The following DNAH17 variants were observed in gnomAD, a reference collection of about 807,000 sequenced individuals.
DNAH17 encodes dynein axonemal heavy chain 17, also known as axonemal beta dynein heavy chain 17.
DNAH17 carries 376 observed loss-of-function variants against 485.6 expected under a neutral mutation model. That is an observed-to-expected ratio of 0.77 (90% CI 0.71 to 0.84). The LOEUF (loss-of-function observed/expected upper bound fraction) is 0.84. Ranked by LOEUF, DNAH17 falls within the 40% of genes least tolerant of loss-of-function variation. The pLI is 0.00. For missense variants in DNAH17, 6,370 were observed against 5,839.3 expected (o/e 1.09, Z -2.96); for synonymous variants, 3,031 against 2,405.9 (o/e 1.26, Z -7.60).
intron 64 of DNAH17, 121 bp downstream of exon 64, chr17:78,454,349 A>G (rs2087693881): frequency 5.5e-6 from 4 of 731,670 alleles, no homozygotes; most frequent in Non-Finnish European, 8.9e-6. Context: ...GGCCAGATTT[A>G]AAACCTGTGG....
chr17:78,537,163 G>C, intron 19 of DNAH17, 136 bp downstream of exon 19: 1 of 1,026,842 alleles, frequency 9.7e-7, no homozygotes, highest in Non-Finnish European at 1.4e-6. Context: ...GGGCGACAGA[G>C]TGAGATTCCG....
In DNAH17 at chr17:78,538,414, C is replaced by G. The variant is rs117177660; in HGVS notation, c.2677-933G>C. 3.2e-3 allele frequency among the ~76,000 whole-genome samples: 492 copies of G among 152,288 alleles called. 1 individual carries two copies. Among genetic ancestry groups the G allele is most frequent in the Non-Finnish European group, 5.4e-3 (368 of 68,024 alleles). On this transcript the variant is annotated intron_variant, in intron 18 of 80. Transcript: ENST00000389840. ...CGATTCTCAAAATGTGGGCCAGGATCCACCAGGCTGTGAGATCACACTGTG... is the reference window on the plus strand; with the variant it reads ...CGATTCTCAAAATGTGGGCCAGGATGCACCAGGCTGTGAGATCACACTGTG...
chr17:78,435,282 T>A (rs894611826), intron 74 of DNAH17, among the ~76,000 whole-genome samples: 11 of 151,908 alleles, frequency 7.2e-5, no homozygotes, highest in African/African-American at 2.7e-4. Context: ...TCCTCCAGAG[T>A]CCATCCGATC....
rs546955641 is a variant in DNAH17, at chr17:78,566,575, C to T, written c.1569+39G>A. The T allele has an allele frequency of 1.6e-4, 221 of 1,420,286 alleles. 1 individual carries two copies. The highest frequency in any genetic ancestry group is 2.0e-6 in the Non-Finnish European group (2 of 1,021,496). The allele number at this position is 1,420,286 out of a possible 1,614,324, so 88.0% of individuals were successfully genotyped here. On this transcript the variant is annotated intron_variant, in intron 11 of 80. Transcript: ENST00000389840. ...CGACATGAATCCACCACCACAGTGC[C>T]AGGCTCCAGATCTGCCTGCGTCTCC...
Position 78,496,002 on chromosome 17 carries a change from T to C in DNAH17, c.5776A>G (p.Lys1926Glu). ...VKCVQDAIRA[K>E]KKAFNFLGEI... ...CCCAGGAAATTGAATGCTTTTTTCT[T>C]GGCCCGAATTGCATCCTGGACACAT... The change falls in exon 38 of 81, where the codon AAG becomes GAG. Residue 1926 changes from lysine to glutamate, a missense_variant. Transcript: ENST00000389840. 2 of 1,613,926 alleles carry C rather than the reference T, an allele frequency of 1.2e-6. No homozygotes were observed. Among genetic ancestry groups the C allele is most frequent in the South Asian group, 2.2e-5 (2 of 91,080 alleles).
At chr17:78,512,933 T>C (rs2090672692) in intron 26 of DNAH17, among the ~76,000 whole-genome samples, 1 of 104,148 alleles carries the variant, frequency 9.6e-6, no homozygotes, top group East Asian at 3.0e-4. Context: ...AGAGAGAGAC[T>C]CTAACTCAAA....
intron 62 of DNAH17, 105 bp from the exon 63 acceptor site, chr17:78,455,941 T>C: frequency 1.0e-6 from 1 of 971,020 alleles, no homozygotes; most frequent in South Asian, 2.3e-5. Flanking sequence ...GTTTCCCGTC[T>C]GCACCTGGCT....
chr17:78,570,299 G>A lies in DNAH17; in HGVS notation c.992C>T (p.Pro331Leu). Residue 331 changes from proline to leucine, a missense_variant, in exon 7 of 81, where the codon CCT (proline) becomes CTT (leucine). Pro to Leu is a moderately conservative substitution (Grantham distance 98). Transcript: ENST00000389840. ...IWATSEYYNT[P>L]ARIIVILQEF... ...CTGCAGGATGACGATGATCCTGGCA[G>A]GTGTGTTATAGTACTCAGAGGTGGC... The A allele has an allele frequency of 1.9e-6, 3 of 1,602,386 alleles. No individual in the cohort carries two copies. The highest frequency in any genetic ancestry group is 1.7e-6 in the Non-Finnish European group (2 of 1,174,838).
chr17:78,458,702 C>T (rs780667351), intron 61 of DNAH17, 22 bp from the exon 62 acceptor site: 1 of 1,604,032 alleles, frequency 6.2e-7, no homozygotes, highest in Non-Finnish European at 8.5e-7. Flanking sequence ...AGTTGGAAAG[C>T]TGCTGGAAAA....
intron 65 of DNAH17, among the ~76,000 whole-genome samples, chr17:78,452,107 C>G (rs976938951): frequency 6.6e-6 from 1 of 151,888 alleles, no homozygotes; most frequent in African/African-American, 2.4e-5. Flanking sequence ...CTCTTTGTAG[C>G]TGGGCTCACT....
intron 66 of DNAH17, 45 bp downstream of exon 66, chr17:78,451,424 G>A: frequency 6.4e-7 from 1 of 1,558,186 alleles, no homozygotes; most frequent in Non-Finnish European, 8.7e-7. Flanking sequence ...CCCCCTCTGT[G>A]TGGGACGGCA....
chr17:78,468,897 G>C lies in DNAH17; in HGVS notation c.8512-14C>G. 6.2e-7 allele frequency: 1 copy of C among 1,609,068 alleles called. No homozygotes were observed. The highest frequency in any genetic ancestry group is 8.5e-7 in the Non-Finnish European group (1 of 1,177,978). Reference sequence around the variant, plus strand: ...AGCGAGGTCAATCTGGACGGAGTGAGGACACGCTTAGGGGCCTTGGTAAAA... The same window carrying C: ...AGCGAGGTCAATCTGGACGGAGTGACGACACGCTTAGGGGCCTTGGTAAAA... On this transcript the variant is annotated splice_polypyrimidine_tract_variant and intron_variant, in intron 54 of 80. Coordinates refer to ENST00000389840, the MANE Select transcript of DNAH17 (RefSeq NM_173628.4).
At chr17:78,556,586 C>T (rs541225327) in intron 14 of DNAH17, among the ~76,000 whole-genome samples, 17 of 152,196 alleles carry the variant, frequency 1.1e-4, no homozygotes, top group East Asian at 7.7e-4. Flanking sequence ...TACAAATGGT[C>T]GCCTTTCCCA....
chr17:78,455,727 C>G lies in DNAH17; in HGVS notation c.10087G>C (p.Val3363Leu), dbSNP rs773987903. Residue 3363 changes from valine (V) to leucine (L), a missense_variant, in exon 63 of 81, where the codon GTG (valine) becomes CTG (leucine). Coordinates refer to ENST00000389840, the MANE Select transcript of DNAH17 (RefSeq NM_173628.4). ...CGDVLLISAFVSYVGYFTKKY... is the reference protein window; with the variant it reads ...CGDVLLISAFLSYVGYFTKKY... ...TTGGTGAAGTAGCCCACGTAGGACA[C>G]GAAGGCAGAGATGAGCAGGACGTCC... The G allele has an allele frequency of 3.7e-6, 6 of 1,610,338 alleles. No individual in the cohort carries two copies. Among genetic ancestry groups the G allele is most frequent in the Middle Eastern group, 1.6e-4 (1 of 6,084 alleles).
At chr17:78,451,748 T>C in intron 65 of DNAH17, 75 bp from the exon 66 acceptor site, 1 of 1,352,238 alleles carries the variant, frequency 7.4e-7, no homozygotes, top group Non-Finnish European at 1.0e-6. Flanking sequence ...CAGACCACCT[T>C]TCACCCCAGC....
At position 78,485,259 on chromosome 17, in the gene DNAH17, C is replaced by T. The variant is rs74001375; in HGVS notation, c.7484-226G>A. 2,676 of 647,892 alleles carry T rather than the reference C, an allele frequency of 4.1e-3. 50 individuals carry two copies. In the African/African-American group the frequency reaches 0.042, roughly 10 times the overall value. The allele number at this position is 647,892 out of a possible 1,614,324, so 40.1% of individuals were successfully genotyped here. ...CGAGGGTGGCAGGAACCTTGCTCTC[C>T]GTCACCTTTGGGTCGCCTTAGATTG... On this transcript the variant is annotated intron_variant, in intron 47 of 80. Coordinates refer to ENST00000389840, the MANE Select transcript of DNAH17 (RefSeq NM_173628.4).
Position 78,560,760 on chromosome 17 carries a change from G to A in DNAH17, c.2011C>T (p.His671Tyr), listed in dbSNP as rs558537892. ...CCCACCGCTTTGCTGAAGTTGACGT[G>A]GATGAGGTTGCTAGCGGCGTCCCGC... Reference protein sequence around the residue: ...ILRDAASNLIHVNFSKALVAV... With the variant: ...ILRDAASNLIYVNFSKALVAV... The change falls in exon 13 of 81, where the codon CAC becomes TAC. Residue 671 changes from histidine to tyrosine, a missense_variant. Transcript: ENST00000389840. 46 of 1,551,684 alleles carry A rather than the reference G, an allele frequency of 3.0e-5. No homozygotes were observed. The highest frequency in any genetic ancestry group is 3.9e-5 in the Admixed American group (2 of 51,070).
At chr17:78,480,937 C>A (rs1208583004) in intron 48 of DNAH17, among the ~76,000 whole-genome samples, 151 bp from the exon 49 acceptor site, 1 of 152,080 alleles carries the variant, frequency 6.6e-6, no homozygotes, top group African/African-American at 2.4e-5. Flanking sequence ...GTGGCACAAT[C>A]TCGGCTCACT....
At chr17:78,472,326 A>AGGGTTAGGGTTAGGGAC (rs1448169449) in intron 54 of DNAH17, among the ~76,000 whole-genome samples, 1 of 93,180 alleles carries the variant, frequency 1.1e-5, no homozygotes, top group Non-Finnish European at 2.2e-5. Context: ...GGGTTAGGGA[A>AGGGTTAGGGTTAGGGAC]TGGGGGTGCG....
Sources: gnomAD v4.1 joint callset for allele counts (sites outside exome capture counted in the v4.1 genomes callset) on GRCh38, gnomAD v4.1.1 for gene constraint, MANE v1.5 for transcripts, NCBI Gene and HGNC (gene_info 2026-07-23, HGNC 2026-07-21) for gene names.